The following PHF8 variants were observed in gnomAD, a reference collection of about 807,000 sequenced individuals.
The protein encoded by PHF8 is PHD finger protein 8.
In PHF8, 9 loss-of-function variants were observed where a neutral mutation model predicts 74.4. The ratio of observed to expected loss-of-function variants is 0.12; its 90% CI spans 0.07 to 0.21. The LOEUF is 0.21. PHF8 is among the 10% of genes least tolerant of loss of function. PHF8 has a pLI of 1.00. For synonymous variants in PHF8, 311 were observed against 316.6 expected (o/e 0.98, Z 0.19); for missense variants, 478 against 816.6 (o/e 0.59, Z 5.05).
intron 13 of PHF8, 32 bp downstream of exon 13, chrX:53,993,569 G>C: frequency 8.5e-7 from 1 of 1,174,712 alleles, no homozygotes; most frequent in Non-Finnish European, 1.2e-6. Flanking sequence ...ACACCCAAAA[G>C]GGTTGGGCTG....
chrX:53,988,085 G>C, intron 14 of PHF8, 141 bp from the exon 15 acceptor site: 1 of 528,105 alleles, frequency 1.9e-6, no homozygotes, highest in Admixed American at 2.8e-5. Context: ...AAAGCTGATA[G>C]TAAAACGTAC....
At chrX:53,976,738 A>G (rs782225129) in intron 18 of PHF8, among the ~76,000 whole-genome samples, 1 of 111,128 alleles carries the variant, frequency 9.0e-6, no homozygotes, top group East Asian at 2.8e-4. Context: ...GGAAAAAAAA[A>G]AGAGAAGAAA....
chrX:53,953,224 C>T (rs1425042719), intron 19 of PHF8, among the ~76,000 whole-genome samples: 1 of 100,148 alleles, frequency 1.0e-5, no homozygotes, highest in Non-Finnish European at 2.0e-5. Context: ...CAGTGAGTCG[C>T]GATTGTGCCA....
intron 15 of PHF8, among the ~76,000 whole-genome samples, chrX:53,987,442 G>C (rs1321324653): frequency 8.9e-6 from 1 of 112,053 alleles, no homozygotes; most frequent in Non-Finnish European, 1.9e-5. Context: ...GGGCGTGGTG[G>C]CTTGCACCTG....
At chrX:54,009,013 A>G (rs2065939109) in intron 8 of PHF8, among the ~76,000 whole-genome samples, 1 of 111,440 alleles carries the variant, frequency 9.0e-6, no homozygotes, top group African/African-American at 3.3e-5. Flanking sequence ...CCCCATCTCT[A>G]TTAAAAACAC....
Position 54,022,744 on chromosome X carries a change from TA to T in PHF8, c.184+13del. On this transcript the variant is annotated intron_variant, in intron 3 of 21. Coordinates refer to ENST00000338154, the MANE Select transcript of PHF8 (RefSeq NM_015107.3). Reference sequence around the variant, plus strand: ...CTGGATTGTCTTCTCTAGGAAACCCTAAGATCTACTTACTAATGGAGGGCCC... The same window carrying T: ...CTGGATTGTCTTCTCTAGGAAACCCTAGATCTACTTACTAATGGAGGGCCC... The T allele has an allele frequency of 9.2e-7, 1 of 1,088,794 alleles. No homozygotes were observed. Among genetic ancestry groups the T allele is most frequent in the Non-Finnish European group, 1.3e-6 (1 of 783,963 alleles). 89.7% of individuals were successfully genotyped at this position (1,088,794 alleles called of 1,213,427 possible).
At chrX:53,989,033 C>T (rs374444135) in intron 14 of PHF8, among the ~76,000 whole-genome samples, 1 of 107,924 alleles carries the variant, frequency 9.3e-6, no homozygotes, top group East Asian at 2.9e-4. Context: ...ATGATCTTGG[C>T]TCACTAAAAC....
At chrX:54,047,673 C>T (rs1335160105), upstream of PHF8, among the ~76,000 whole-genome samples, 1 of 111,835 alleles carries the variant, frequency 8.9e-6, no homozygotes, top group Non-Finnish European at 1.9e-5. Context: ...CCTCCTGTGA[C>T]TCATTTCCAG....
intron 2 of PHF8, among the ~76,000 whole-genome samples, chrX:54,042,377 G>T (rs1458526162): frequency 1.6e-3 from 160 of 97,496 alleles, no homozygotes; most frequent in African/African-American, 5.3e-3. Context: ...AGAAAAGGGG[G>T]GGGGGGTCTT....
intron 18 of PHF8, among the ~76,000 whole-genome samples, chrX:53,983,797 C>T (rs1557098684): frequency 8.9e-6 from 1 of 112,190 alleles, no homozygotes; most frequent in African/African-American, 3.2e-5. Context: ...GAACACTATG[C>T]AGCAGATAGA....
In PHF8 at chrX:54,014,539, C is replaced by T; in HGVS notation, c.621G>A (p.Pro207=). 1 of 1,206,410 alleles carries T rather than the reference C, an allele frequency of 8.3e-7. No individual in the cohort carries two copies. Among genetic ancestry groups the T allele is most frequent in the Non-Finnish European group, 1.1e-6 (1 of 890,952 alleles). Residue 207 remains proline, a synonymous_variant, in exon 7 of 22, where the codon CCG becomes CCA. Transcript: ENST00000338154. ...DTRLSNLVET[P]KIVRKLSWVE... is the part of the protein sequence containing the mutation. Reference sequence around the variant, plus strand: ...CCCATGACAGCTTTCGAACAATCTTCGGTGTCTCCACAAGGTTAGAAAGTC... The same window carrying T: ...CCCATGACAGCTTTCGAACAATCTTTGGTGTCTCCACAAGGTTAGAAAGTC...
Position 53,985,098 on chromosome X carries a change from T to G in PHF8, c.2259A>C (p.Arg753=). 8.3e-7 allele frequency: 1 copy of G among 1,210,637 alleles called. No homozygotes were observed. The highest frequency in any genetic ancestry group is 1.1e-6 in the Non-Finnish European group (1 of 894,878). The change falls in exon 18 of 22, where the codon CGA becomes CGC. Residue 753 remains arginine (R), a synonymous_variant. Transcript: ENST00000338154. ...LQAWWTGGQD[R]SSGSSSSGLG... ...GCCCACTGCTGGAGCTCCCACTGCT[T>G]CGATCCTGTCCCCCAGTCCACCAGG...
In PHF8 at chrX:54,014,357, G is replaced by A. The variant is rs781871959; in HGVS notation, c.783+20C>T. The A allele has an allele frequency of 6.8e-6, 8 of 1,176,990 alleles. No individual in the cohort carries two copies. The highest frequency in any genetic ancestry group is 2.2e-5 in the Admixed American group (1 of 45,716). The stretch of plus-strand genomic sequence containing the variant: ...GAGGCCCAAGGCCTGGCTGCCTCCA[G>A]AAGCCATGCGCATTCCTACCTTGAG... On this transcript the variant is annotated intron_variant, in intron 7 of 21. Coordinates refer to ENST00000338154, the MANE Select transcript of PHF8 (RefSeq NM_015107.3).
intron 18 of PHF8, among the ~76,000 whole-genome samples, chrX:53,977,067 G>A (rs782126739): frequency 4.4e-5 from 5 of 112,752 alleles, no homozygotes; most frequent in African/African-American, 1.6e-4. Flanking sequence ...GGGTGTGGTG[G>A]CTCATGCCAA....
chrX:53,972,321 C>CAAAAA (rs1236817498), intron 18 of PHF8, among the ~76,000 whole-genome samples: 36 of 34,093 alleles, frequency 1.1e-3, no homozygotes, highest in African/African-American at 2.8e-3. Flanking sequence ...GACGCTGTCT[C>CAAAAA]AAAAAAAAAA....
intron 2 of PHF8, among the ~76,000 whole-genome samples, chrX:54,023,593 A>G (rs890870279): frequency 9.1e-6 from 1 of 109,516 alleles, no homozygotes; most frequent in South Asian, 3.9e-4. Flanking sequence ...TAGGCCAGTC[A>G]CAGTGGCTCA....
intron 2 of PHF8, among the ~76,000 whole-genome samples, chrX:54,036,441 G>A (rs1557114187): frequency 9.2e-6 from 1 of 108,208 alleles, no homozygotes; most frequent in African/African-American, 3.4e-5. Context: ...CAAACAGGAA[G>A]TTTCAAGGGG....
intron 19 of PHF8, among the ~76,000 whole-genome samples, chrX:53,953,459 G>A (rs1227986415): frequency 4.6e-5 from 5 of 109,550 alleles, no homozygotes; most frequent in Non-Finnish European, 9.5e-5. Context: ...TGGCCAACAC[G>A]GTGAAACCCC....
At chrX:54,026,207 A>C (rs1412119893) in intron 2 of PHF8, among the ~76,000 whole-genome samples, 1 of 110,294 alleles carries the variant, frequency 9.1e-6, no homozygotes, top group East Asian at 2.8e-4. Flanking sequence ...TACAAAAATT[A>C]GCTGGGAATG....
Sources: gnomAD v4.1 joint callset for allele counts (sites outside exome capture counted in the v4.1 genomes callset) on GRCh38, gnomAD v4.1.1 for gene constraint, MANE v1.5 for transcripts, NCBI Gene and HGNC (gene_info 2026-07-23, HGNC 2026-07-21) for gene names.